The following PTGER4 variants were observed in gnomAD, a reference collection of about 807,000 sequenced individuals.
The protein encoded by PTGER4 is prostaglandin E receptor 4.
PTGER4 carries 11 observed loss-of-function variants against 33.2 expected under a neutral mutation model. That is an observed-to-expected ratio of 0.33 (90% CI 0.21 to 0.55). PTGER4 has a LOEUF of 0.55. PTGER4 is among the 20% of genes least tolerant of loss of function. The pLI, the probability that PTGER4 is intolerant of heterozygous loss-of-function variation, is 0.92. For synonymous variants in PTGER4, 275 were observed against 281.5 expected, an observed-to-expected ratio of 0.98 and a Z score of 0.23; for missense variants, 481 against 650.2, an observed-to-expected ratio of 0.74 and a Z score of 2.83.
At chr5:40,696,682 G>C, downstream of PTGER4, 1 of 985,110 alleles carries the variant, frequency 1.0e-6, no homozygotes, top group Middle Eastern at 5.2e-4. Flanking sequence ...CCATGGAAGA[G>C]AAGGACAGAA....
the PTGER4 span, among the ~76,000 whole-genome samples, chr5:40,730,979 A>G: frequency 7.8e-3 from 1,185 of 152,330 alleles, 12 homozygotes; most frequent in African/African-American, 0.026. Flanking sequence ...CTTTAATGAT[A>G]TAACCTCTAA....
the PTGER4 span, among the ~76,000 whole-genome samples, chr5:40,734,064 A>G: frequency 6.6e-6 from 1 of 152,220 alleles, no homozygotes; most frequent in Non-Finnish European, 1.5e-5. Flanking sequence ...CGAGGCCTAT[A>G]AAGGTTTAAA....
At chr5:40,717,912 A>T in the PTGER4 span, among the ~76,000 whole-genome samples, 11 of 152,208 alleles carry the variant, frequency 7.2e-5, no homozygotes, top group South Asian at 2.1e-3. Context: ...AATACAAAAA[A>T]TTAGCCAGGT....
the PTGER4 span, among the ~76,000 whole-genome samples, chr5:40,744,763 A>G: frequency 6.6e-6 from 1 of 152,160 alleles, no homozygotes; most frequent in African/African-American, 2.4e-5. Flanking sequence ...AATTTTTCTA[A>G]TATATTTTCT....
At chr5:40,704,523 T>C in the PTGER4 span, among the ~76,000 whole-genome samples, 1 of 152,130 alleles carries the variant, frequency 6.6e-6, no homozygotes, top group African/African-American at 2.4e-5. Context: ...GGCATCCAAA[T>C]AGGAAGAGAG....
chr5:40,709,310 T>A, the PTGER4 span, among the ~76,000 whole-genome samples: 292 of 152,238 alleles, frequency 1.9e-3, 1 homozygote, highest in African/African-American at 6.6e-3. Context: ...AAATCTCCTT[T>A]AGCTGATAAG....
At chr5:40,684,376 G>T (rs1035294857) in intron 2 of PTGER4, among the ~76,000 whole-genome samples, 2 of 151,848 alleles carry the variant, frequency 1.3e-5, no homozygotes, top group East Asian at 3.9e-4. Context: ...TCAAAGCGTT[G>T]GAATCATTTT....
chr5:40,713,154 T>C, the PTGER4 span, among the ~76,000 whole-genome samples: 1 of 152,152 alleles, frequency 6.6e-6, no homozygotes, highest in Non-Finnish European at 1.5e-5. Context: ...ATTATGGAAC[T>C]ATGGTTCTTA....
chr5:40,725,784 CTTTTTT>C, the PTGER4 span, among the ~76,000 whole-genome samples: 2 of 126,066 alleles, frequency 1.6e-5, no homozygotes, highest in African/African-American at 5.9e-5. Flanking sequence ...TTCTCTTCAG[CTTTTTT>C]TTTTTTTTTT....
the PTGER4 span, among the ~76,000 whole-genome samples, chr5:40,706,467 C>T: frequency 3.3e-5 from 5 of 152,006 alleles, no homozygotes; most frequent in South Asian, 1.0e-3. Context: ...ACATGTACCC[C>T]AAACCTAAAA....
At chr5:40,697,629 TA>T (rs929099376), downstream of PTGER4, among the ~76,000 whole-genome samples, 195 of 148,676 alleles carry the variant, frequency 1.3e-3, 3 homozygotes, top group African/African-American at 4.5e-3. Flanking sequence ...GAAGGAAAAG[TA>T]ATAGATTATT....
At chr5:40,694,927 G>A (rs886446352), downstream of PTGER4, among the ~76,000 whole-genome samples, 24 of 152,182 alleles carry the variant, frequency 1.6e-4, no homozygotes, top group African/African-American at 5.3e-4. Flanking sequence ...ACTTGTTCCA[G>A]ACCATTTAGA....
chr5:40,727,866 G>C, the PTGER4 span, among the ~76,000 whole-genome samples: 1 of 152,060 alleles, frequency 6.6e-6, no homozygotes. Flanking sequence ...TAATAAAAAA[G>C]ATGTTCAGTA....
At position 40,693,688 on chromosome 5, in the gene PTGER4, G is replaced by T. The variant is rs1741526064; in HGVS notation, c.*1310G>T. 1.0e-6 allele frequency: 1 copy of T among 979,998 alleles called. No homozygotes were observed. The highest frequency in any genetic ancestry group is 4.7e-5 in the South Asian group (1 of 21,184). The allele number at this position is 979,998 out of a possible 1,614,324, so 60.7% of individuals were successfully genotyped here. ...ATTGATATGGTTTTAAGAAGCAGTT[G>T]TACCAAGTGAAATTATTTTGGAGAT... On this transcript the variant is annotated 3_prime_UTR_variant, in exon 3 of 3. Transcript: ENST00000302472.
At chr5:40,700,547 C>T in the PTGER4 span, among the ~76,000 whole-genome samples, 2 of 152,242 alleles carry the variant, frequency 1.3e-5, no homozygotes, top group African/African-American at 4.8e-5. Context: ...GACAGGGAAC[C>T]CCTGGCTTGG....
chr5:40,704,899 C>T, the PTGER4 span, among the ~76,000 whole-genome samples: 3 of 152,088 alleles, frequency 2.0e-5, no homozygotes, highest in African/African-American at 7.2e-5. Flanking sequence ...GCTATACTAC[C>T]CAAAGCAATT....
chr5:40,689,993 TC>T (rs1741429452), intron 2 of PTGER4, among the ~76,000 whole-genome samples: 1 of 152,124 alleles, frequency 6.6e-6, no homozygotes, highest in Admixed American at 6.5e-5. Context: ...ATATAAATGA[TC>T]CCAGTGGAAT....
chr5:40,700,795 G>A, the PTGER4 span, among the ~76,000 whole-genome samples: 5 of 152,170 alleles, frequency 3.3e-5, no homozygotes, highest in African/African-American at 4.8e-5. Context: ...TCAGAGCACT[G>A]AAAGGGAACA....
the PTGER4 span, among the ~76,000 whole-genome samples, chr5:40,713,337 A>AATTT: frequency 6.6e-6 from 1 of 152,174 alleles, no homozygotes; most frequent in Non-Finnish European, 1.5e-5. Context: ...ATCATTATGT[A>AATTT]ATTTTCAAAC....
Sources: gnomAD v4.1 joint callset for allele counts (sites outside exome capture counted in the v4.1 genomes callset) on GRCh38, gnomAD v4.1.1 for gene constraint, MANE v1.5 for transcripts, NCBI Gene and HGNC (gene_info 2026-07-23, HGNC 2026-07-21) for gene names.